The following PNPLA6 variants were observed in gnomAD, a reference collection of about 807,000 sequenced individuals.
PNPLA6 encodes the protein patatin-like phospholipase domain-containing protein 6.
A neutral mutation model predicts 153.7 loss-of-function variants in PNPLA6; 105 were observed. The observed-to-expected ratio is 0.68, with a 90% CI of 0.58 to 0.80. The LOEUF (loss-of-function observed/expected upper bound fraction) is 0.80. Ranked by LOEUF, PNPLA6 falls within the 30% of genes least tolerant of loss-of-function variation. The pLI is 0.00. For missense variants in PNPLA6, 1,423 were observed against 1,919.3 expected (o/e 0.74, Z 4.83); for synonymous variants, 825 against 822.2 (o/e 1.00, Z -0.06).
At position 7,561,612 on chromosome 19, in the gene PNPLA6, G is replaced by C; in HGVS notation, c.*50G>C. 1 of 1,367,334 alleles carries C rather than the reference G, an allele frequency of 7.3e-7. No individual in the cohort carries two copies. The highest frequency in any genetic ancestry group is 1.0e-6 in the Non-Finnish European group (1 of 989,280). 84.7% of individuals were successfully genotyped at this position (1,367,334 alleles called of 1,614,324 possible). A position where few individuals can be genotyped will look rare whatever the true frequency, so the allele number is the denominator to read the frequency against. The stretch of plus-strand genomic sequence containing the variant: ...CCCTCCCACCCCTGGACTGGGCTGG[G>C]GGTGGCCCCGTGGGGGTAGCTCACT... On this transcript the variant is annotated 3_prime_UTR_variant, in exon 32 of 32. Coordinates refer to ENST00000600737, the MANE Select transcript of PNPLA6 (RefSeq NM_001166114.2).
chr19:7,558,050 C>T (rs12609642), intron 27 of PNPLA6, among the ~76,000 whole-genome samples: 30,417 of 152,198 alleles, frequency 0.2, 3,286 homozygotes, highest in African/African-American at 0.28. Context: ...CATTTGCCAA[C>T]GCATGCCAGT....
In PNPLA6 at chr19:7,541,001, T is replaced by C. The variant is rs146126523; in HGVS notation, c.874T>C (p.Phe292Leu). ...GGTGCTGCGCCTGCCGGTGGAAGCA[T>C]TCTCCGCGGTCTTCACCAAGTACCC... ...STVLRLPVEA[F>L]SAVFTKYPES... The change falls in exon 7 of 32, where the codon TTC becomes CTC. Residue 292 changes from phenylalanine (F) to leucine (L), a missense_variant. Phe to Leu is a conservative substitution (Grantham distance 22). Coordinates refer to ENST00000600737, the MANE Select transcript of PNPLA6 (RefSeq NM_001166114.2). This position sits in a 1 kb window ranked among gnomAD's most constrained non-coding sequence, Gnocchi z 5.2. The C allele has an allele frequency of 6.2e-7, 1 of 1,611,436 alleles. No individual in the cohort carries two copies. Among genetic ancestry groups the C allele is most frequent in the Non-Finnish European group, 8.5e-7 (1 of 1,179,376 alleles).
At chr19:7,545,650 G>A (rs1027277639) in intron 13 of PNPLA6, among the ~76,000 whole-genome samples, 1 of 152,062 alleles carries the variant, frequency 6.6e-6, no homozygotes, top group Non-Finnish European at 1.5e-5. Context: ...GGTGGCTCAC[G>A]CCTGTAATCC....
Position 7,540,806 on chromosome 19 carries a change from C to A in PNPLA6, c.795+96C>A. The A allele has an allele frequency of 1.3e-6, 2 of 1,555,034 alleles. No individual in the cohort carries two copies. The highest frequency in any genetic ancestry group is 1.8e-6 in the Non-Finnish European group (2 of 1,126,630). On this transcript the variant is annotated intron_variant, in intron 6 of 31. Coordinates refer to ENST00000600737, the MANE Select transcript of PNPLA6 (RefSeq NM_001166114.2). The surrounding 1 kb of genome is among the most constrained non-coding windows in gnomAD (Gnocchi z 6.8). ...ATCACAGGGTCCCCAATCTCTGGTT[C>A]ATCCGTTATGCTGCCGATGGCCCCT...
intron 3 of PNPLA6, 106 bp from the exon 4 acceptor site, chr19:7,539,812 A>T: frequency 1.6e-6 from 1 of 638,822 alleles, no homozygotes; most frequent in Non-Finnish European, 2.7e-6. Flanking sequence ...AGCGGGCCAG[A>T]GTTTGCTGTA....
chr19:7,551,127 G>T lies in PNPLA6; in HGVS notation c.2184+20G>T. 1 of 1,499,164 alleles carries T rather than the reference G, an allele frequency of 6.7e-7. No individual in the cohort carries two copies. The highest frequency in any genetic ancestry group is 1.2e-5 in the South Asian group (1 of 82,996). 92.9% of individuals were successfully genotyped at this position (1,499,164 alleles called of 1,614,324 possible). ...CCGCAGGTGCGGCCTGTTGTGGGCG[G>T]GGCAGAGAGGCGGAGGCGGGACTCC... is the stretch of plus-strand genomic sequence containing the variant. On this transcript the variant is annotated intron_variant, in intron 17 of 31. Transcript: ENST00000600737.
Position 7,550,047 on chromosome 19 carries a change from C to T in PNPLA6, c.1749C>T (p.Leu583=), listed in dbSNP as rs2046990440. 2 of 1,614,082 alleles carry T rather than the reference C, an allele frequency of 1.2e-6. No homozygotes were observed. The highest frequency in any genetic ancestry group is 2.2e-5 in the East Asian group (1 of 44,880). ...GQLAVLTGEP[L]IFTLRAQRDC... ...TGGCGGTGCTCACTGGCGAACCTCT[C>T]ATCTTCACACTGCGAGCCCAACGCG... The change falls in exon 14 of 32, where the codon CTC becomes CTT. Residue 583 remains leucine, a synonymous_variant. Coordinates refer to ENST00000600737, the MANE Select transcript of PNPLA6 (RefSeq NM_001166114.2).
chr19:7,540,837 G>C lies in PNPLA6; in HGVS notation c.796-86G>C. 4 of 1,593,822 alleles carry C rather than the reference G, an allele frequency of 2.5e-6. No individual in the cohort carries two copies. ...TTATGCTGCCGATGGCCCCTCACGG[G>C]ACTGGCGCCAGGAAGGATTAGGGGA... On this transcript the variant is annotated intron_variant, in intron 6 of 31. Transcript: ENST00000600737. The surrounding 1 kb of genome is among the most constrained non-coding windows in gnomAD (Gnocchi z 6.8).
rs746356492 is a variant in PNPLA6, at chr19:7,540,133, AC to A, written c.555-14del. The A allele has an allele frequency of 1.1e-5, 18 of 1,612,618 alleles. No individual in the cohort carries two copies. In the African/African-American group the frequency reaches 2.0e-4, roughly 18 times the overall value. On this transcript the variant is annotated splice_polypyrimidine_tract_variant and intron_variant, in intron 4 of 31. Transcript: ENST00000600737. This position sits in a 1 kb window ranked among gnomAD's most constrained non-coding sequence, Gnocchi z 6.8. ...CCCTGACCTCCAGCCTCTGTCGCCC[AC>A]CGCCTGTCCAACAGGGTGCTGGGCC...
rs1290845040 is a variant in PNPLA6 at position 7,561,614 on chromosome 19, G to A, written c.*52G>A. 7.5e-7 allele frequency: 1 copy of A among 1,325,624 alleles called. No individual in the cohort carries two copies. The highest frequency in any genetic ancestry group is 1.1e-6 in the Non-Finnish European group (1 of 951,680). 82.1% of individuals were successfully genotyped at this position (1,325,624 alleles called of 1,614,324 possible). On this transcript the variant is annotated 3_prime_UTR_variant, in exon 32 of 32. Transcript: ENST00000600737. ...CTCCCACCCCTGGACTGGGCTGGGG[G>A]TGGCCCCGTGGGGGTAGCTCACTCC... is the stretch of plus-strand genomic sequence containing the variant.
chr19:7,542,696 G>T (rs757619907), intron 11 of PNPLA6, 26 bp downstream of exon 11: 39 of 1,612,146 alleles, frequency 2.4e-5, no homozygotes, highest in Non-Finnish European at 3.1e-5. Flanking sequence ...CTGCCCGGTG[G>T]TGGAGCCCGC....
intron 28 of PNPLA6, among the ~76,000 whole-genome samples, chr19:7,559,505 T>C (rs541600): frequency 0.42 from 63,786 of 151,862 alleles, 13,763 homozygotes; most frequent in East Asian, 0.66. Context: ...TGTTATGTGC[T>C]ACTGACCCTG....
At position 7,540,367 on chromosome 19, in the gene PNPLA6, G is replaced by C. The variant is rs543360288; in HGVS notation, c.714+59G>C. The C allele has an allele frequency of 6.5e-7, 1 of 1,539,818 alleles. No homozygotes were observed. The highest frequency in any genetic ancestry group is 1.2e-5 in the South Asian group (1 of 84,292). ...GATGGGTGGTGGGGATGGGCAGCAG[G>C]CATTGGTCTGTAGAGCTGGTGGTCT... is the stretch of plus-strand genomic sequence containing the variant. On this transcript the variant is annotated intron_variant, in intron 5 of 31. Transcript: ENST00000600737. This position sits in a 1 kb window ranked among gnomAD's most constrained non-coding sequence, Gnocchi z 6.8.
intron 1 of PNPLA6, 33 bp from the exon 2 acceptor site, chr19:7,536,158 G>A: frequency 6.5e-7 from 1 of 1,538,052 alleles, no homozygotes; most frequent in Non-Finnish European, 9.0e-7. Flanking sequence ...TCTGCACAGA[G>A]CTCGGAGTGC....
rs1373796893 is a variant in PNPLA6 at position 7,554,887 on chromosome 19, CCGCAGCTGGAGCA to C, written c.2635-5_2642del. 6.3e-7 allele frequency: 1 copy of C among 1,582,092 alleles called. No homozygotes were observed. Among genetic ancestry groups the C allele is most frequent in the South Asian group, 1.1e-5 (1 of 89,162 alleles). ...GCTGGTGACCTCAGCCGTCCGTATTCCGCAGCTGGAGCAGATGCTGGAGAACACGGCTGTGCGC... is the reference window on the plus strand; with the variant it reads ...GCTGGTGACCTCAGCCGTCCGTATTCGATGCTGGAGAACACGGCTGTGCGC... On this transcript the variant is annotated splice_acceptor_variant and splice_polypyrimidine_tract_variant and coding_sequence_variant and intron_variant, in exon 22 of 32. Transcript: ENST00000600737. LOFTEE classifies it high-confidence loss of function.
chr19:7,554,106 G>A, intron 19 of PNPLA6, 91 bp downstream of exon 19: 3 of 1,585,128 alleles, frequency 1.9e-6, no homozygotes, highest in Non-Finnish European at 2.6e-6. Flanking sequence ...GGGGGGTGGA[G>A]GGGAACAGGG....
chr19:7,557,460 G>A (rs1393479217), intron 27 of PNPLA6, 176 bp downstream of exon 27: 10 of 673,246 alleles, frequency 1.5e-5, no homozygotes, highest in Admixed American at 4.1e-5. Flanking sequence ...ATACATGAAT[G>A]TGCCTGTGGA....
rs559283214 is a variant in PNPLA6 at position 7,557,973 on chromosome 19, G to T, written c.3397+689G>T. Among the ~76,000 whole-genome samples, 11 of 152,296 alleles carry T rather than the reference G, an allele frequency of 7.2e-5. No individual in the cohort carries two copies. In the East Asian group the frequency reaches 2.1e-3, roughly 29 times the overall value. On this transcript the variant is annotated intron_variant, in intron 27 of 31. Coordinates refer to ENST00000600737, the MANE Select transcript of PNPLA6 (RefSeq NM_001166114.2). ...ACATGCTTTCTCTCAGGGGCAGGTA[G>T]GGCTTACACACACGTGTACACACAG... is the stretch of plus-strand genomic sequence containing the variant.
In PNPLA6 at chr19:7,541,930, C is replaced by T. The variant is rs1437822304; in HGVS notation, c.1169-54C>T. On this transcript the variant is annotated intron_variant, in intron 9 of 31. Transcript: ENST00000600737. The surrounding 1 kb of genome is among the most constrained non-coding windows in gnomAD (Gnocchi z 5.2). ...CAGCATCTCCTTATCTCCCAACCTGCTAATCCTCCTAGTGGCTCTGAGGGG... is the reference window on the plus strand; with the variant it reads ...CAGCATCTCCTTATCTCCCAACCTGTTAATCCTCCTAGTGGCTCTGAGGGG... 2.7e-6 allele frequency: 4 copies of T among 1,469,278 alleles called. No homozygotes were observed. Among genetic ancestry groups the T allele is most frequent in the African/African-American group, 2.8e-5 (2 of 72,386 alleles). The allele number at this position is 1,469,278 out of a possible 1,614,324, so 91.0% of individuals were successfully genotyped here. A position where few individuals can be genotyped will look rare whatever the true frequency, so the allele number is the denominator to read the frequency against.
Sources: gnomAD v4.1 joint callset for allele counts (sites outside exome capture counted in the v4.1 genomes callset) on GRCh38, gnomAD v4.1.1 for gene constraint, Gnocchi (gnomAD v3.1) non-coding constraint, MANE v1.5 for transcripts, NCBI Gene and HGNC (gene_info 2026-07-23, HGNC 2026-07-21) for gene names.